The following CORO2B variants were observed in gnomAD, a reference collection of about 807,000 sequenced individuals.
The protein encoded by CORO2B is coronin 2B.
A neutral mutation model predicts 58.8 loss-of-function variants in CORO2B; 26 were observed. The observed-to-expected ratio is 0.44, with a 90% CI of 0.32 to 0.61. The LOEUF (loss-of-function observed/expected upper bound fraction) is 0.61. CORO2B is among the 20% of genes least tolerant of loss of function. CORO2B has a pLI of 0.04. For synonymous variants in CORO2B, 242 were observed against 253.8 expected (o/e 0.95, Z 0.44); for missense variants, 460 against 645.1 (o/e 0.71, Z 3.11).
chr15:68,706,182 G>A (rs975040008), intron 3 of CORO2B, among the ~76,000 whole-genome samples: 5 of 152,114 alleles, frequency 3.3e-5, no homozygotes, highest in African/African-American at 4.8e-5. Context: ...GCTGACCCCC[G>A]TGCAGGTTCC....
At chr15:68,577,394 A>G (rs1244405723), upstream of CORO2B, among the ~76,000 whole-genome samples, 1 of 152,024 alleles carries the variant, frequency 6.6e-6, no homozygotes, top group Non-Finnish European at 1.5e-5. Flanking sequence ...TTCTTTCCTC[A>G]CACTGTTGCA....
chr15:68,621,650 G>T (rs372464048), intron 1 of CORO2B, among the ~76,000 whole-genome samples: 9 of 152,078 alleles, frequency 5.9e-5, no homozygotes, highest in African/African-American at 2.2e-4. Flanking sequence ...TTTGGTTGTT[G>T]GTTTGTGTTA....
chr15:68,581,783 C>T (rs1169372200), intron 1 of CORO2B, among the ~76,000 whole-genome samples: 2 of 152,100 alleles, frequency 1.3e-5, no homozygotes, highest in East Asian at 1.9e-4. Flanking sequence ...ACACTGGGAG[C>T]GGTAGGTAGG....
intron 1 of CORO2B, among the ~76,000 whole-genome samples, chr15:68,619,754 CGTGT>C (rs146181063): frequency 1.3e-5 from 2 of 151,218 alleles, no homozygotes; most frequent in Non-Finnish European, 2.9e-5. Flanking sequence ...TGCGTGCATG[CGTGT>C]GTGTGTGTGC....
At chr15:68,536,037 C>T in the CORO2B span, among the ~76,000 whole-genome samples, 2 of 152,118 alleles carry the variant, frequency 1.3e-5, no homozygotes, top group African/African-American at 4.8e-5. Context: ...GTTCTGAAAA[C>T]TTAGTTTATT....
intron 11 of CORO2B, among the ~76,000 whole-genome samples, chr15:68,723,766 C>A (rs899083108): frequency 1.3e-5 from 2 of 151,972 alleles, no homozygotes; most frequent in Non-Finnish European, 2.9e-5. Context: ...CTTCTTTAAA[C>A]CATTTATTTT....
At chr15:68,553,960 G>A in the CORO2B span, among the ~76,000 whole-genome samples, 3 of 152,206 alleles carry the variant, frequency 2.0e-5, no homozygotes, top group South Asian at 2.1e-4. Flanking sequence ...TCTTAGAAAG[G>A]TCACTAGTTT....
chr15:68,711,538 G>A lies in CORO2B; in HGVS notation c.484-4G>A, dbSNP rs368489169. 221 of 1,609,378 alleles carry A rather than the reference G, an allele frequency of 1.4e-4. 1 individual carries two copies. Among genetic ancestry groups the A allele is most frequent in the Non-Finnish European group, 1.7e-4 (203 of 1,176,984 alleles). ...CCCTGCCTCCCATGCATCTGCCCTCGCAGGTCCTCATCTGGAACCTGGATG... is the reference window on the plus strand; with the variant it reads ...CCCTGCCTCCCATGCATCTGCCCTCACAGGTCCTCATCTGGAACCTGGATG... On this transcript the variant is annotated splice_region_variant and splice_polypyrimidine_tract_variant and intron_variant, in intron 4 of 11. Transcript: ENST00000261861.
chr15:68,718,629 C>A (rs1372895749), intron 8 of CORO2B, 69 bp from the exon 9 acceptor site: 10 of 1,334,324 alleles, frequency 7.5e-6, no homozygotes, highest in African/African-American at 1.4e-5. Context: ...TGGCCCAGAA[C>A]ATCATGGGGT....
At chr15:68,609,068 G>A (rs879561680) in intron 1 of CORO2B, among the ~76,000 whole-genome samples, 3 of 152,188 alleles carry the variant, frequency 2.0e-5, no homozygotes, top group African/African-American at 4.8e-5. Flanking sequence ...CAGGGCCCCC[G>A]GGTGCCTGCA....
chr15:68,726,137 T>C lies in CORO2B; in HGVS notation c.*163T>C. 1.2e-6 allele frequency: 1 copy of C among 859,802 alleles called. No individual in the cohort carries two copies. Among genetic ancestry groups the C allele is most frequent in the Admixed American group, 3.0e-5 (1 of 33,848 alleles). The allele number at this position is 859,802 out of a possible 1,614,324, so 53.3% of individuals were successfully genotyped here. A position where few individuals can be genotyped will look rare whatever the true frequency, so the allele number is the denominator to read the frequency against. On this transcript the variant is annotated 3_prime_UTR_variant, in exon 12 of 12. Transcript: ENST00000261861. ...GAGAACTGGAAGCCAACCTCTAACC[T>C]CCTGACCTCATGCTAATAAAAGTCC...
chr15:68,694,138 G>A (rs552319225), intron 2 of CORO2B, among the ~76,000 whole-genome samples: 1 of 152,094 alleles, frequency 6.6e-6, no homozygotes, highest in Non-Finnish European at 1.5e-5. Context: ...ACCCGGCTTG[G>A]TTGTGTTATA....
chr15:68,618,299 T>C (rs1056450772), intron 1 of CORO2B, among the ~76,000 whole-genome samples: 5 of 152,202 alleles, frequency 3.3e-5, no homozygotes, highest in African/African-American at 1.2e-4. Flanking sequence ...GACCCTCCAG[T>C]GTGAGAAACA....
the CORO2B span, among the ~76,000 whole-genome samples, chr15:68,537,182 C>G: frequency 6.6e-6 from 1 of 152,160 alleles, no homozygotes; most frequent in East Asian, 1.9e-4. Context: ...ATTCAGACAC[C>G]TTGGTATGCT....
At chr15:68,696,565 A>AAAG (rs1311077887) in intron 3 of CORO2B, among the ~76,000 whole-genome samples, 1 of 151,408 alleles carries the variant, frequency 6.6e-6, no homozygotes, top group Non-Finnish European at 1.5e-5. Context: ...CTCAAAAAAA[A>AAAG]AAAAAAAAAG....
chr15:68,559,456 C>T, the CORO2B span, among the ~76,000 whole-genome samples: 1 of 151,624 alleles, frequency 6.6e-6, no homozygotes, highest in Non-Finnish European at 1.5e-5. This position sits in a 1 kb window ranked among gnomAD's most constrained non-coding sequence, Gnocchi z 4.3. Flanking sequence ...CTCATACAAG[C>T]AGAATCCCTG....
Position 68,710,683 on chromosome 15 carries a change from G to A in CORO2B, c.334-49G>A, listed in dbSNP as rs1205036353. On this transcript the variant is annotated intron_variant, in intron 3 of 11. Coordinates refer to ENST00000261861, the MANE Select transcript of CORO2B (RefSeq NM_006091.5). The surrounding 1 kb of genome is among the most constrained non-coding windows in gnomAD (Gnocchi z 4.1). Reference sequence around the variant, plus strand: ...AGGAAAGGGGCACCTCTCATCAAGGGACTTCTTGGCCGTGTCCACCCAGCC... The same window carrying A: ...AGGAAAGGGGCACCTCTCATCAAGGAACTTCTTGGCCGTGTCCACCCAGCC... 6.6e-7 allele frequency: 1 copy of A among 1,506,726 alleles called. No individual in the cohort carries two copies. The highest frequency in any genetic ancestry group is 8.9e-7 in the Non-Finnish European group (1 of 1,122,654). 93.3% of individuals were successfully genotyped at this position (1,506,726 alleles called of 1,614,324 possible). A position where few individuals can be genotyped will look rare whatever the true frequency, so the allele number is the denominator to read the frequency against.
At chr15:68,654,556 C>G (rs753505180) in intron 2 of CORO2B, among the ~76,000 whole-genome samples, 20 of 152,196 alleles carry the variant, frequency 1.3e-4, no homozygotes, top group African/African-American at 4.8e-4. Flanking sequence ...GGGCCTGGAG[C>G]CTCCCATACC....
At chr15:68,606,020 G>T (rs932953990) in intron 1 of CORO2B, among the ~76,000 whole-genome samples, 1 of 151,836 alleles carries the variant, frequency 6.6e-6, no homozygotes, top group Admixed American at 6.6e-5. Flanking sequence ...CACAGCGCCC[G>T]GCCGGCTCTT....
Sources: gnomAD v4.1 joint callset for allele counts (sites outside exome capture counted in the v4.1 genomes callset) on GRCh38, gnomAD v4.1.1 for gene constraint, Gnocchi (gnomAD v3.1) non-coding constraint, MANE v1.5 for transcripts, NCBI Gene and HGNC (gene_info 2026-07-23, HGNC 2026-07-21) for gene names.